UBASH3B: variants seen among roughly 807,000 people sequenced by gnomAD.
UBASH3B encodes ubiquitin associated and SH3 domain containing B.
UBASH3B carries 37 observed loss-of-function variants against 83.4 expected under a neutral mutation model. The observed-to-expected ratio is 0.44, with a 90% CI of 0.34 to 0.58. UBASH3B has a LOEUF of 0.58. Ranked by LOEUF, UBASH3B falls within the 20% of genes least tolerant of loss-of-function variation. UBASH3B has a pLI of 0.01. For synonymous variants in UBASH3B, 304 were observed against 318.3 expected, an observed-to-expected ratio of 0.96 and a Z score of 0.48; for missense variants, 657 against 827.2, an observed-to-expected ratio of 0.79 and a Z score of 2.52.
Position 122,808,134 on chromosome 11 carries a change from G to A in UBASH3B, c.1770G>A (p.Leu590=). 6.2e-7 allele frequency: 1 copy of A among 1,614,130 alleles called. No homozygotes were observed. Among genetic ancestry groups the A allele is most frequent in the Non-Finnish European group, 8.5e-7 (1 of 1,180,006 alleles). ...CGTGTACCTGCCAACTTCAGGGCCT[G>A]TCACCTCAGAACTCCAAGGACTTCG... ...LEACTCQLQG[L]SPQNSKDFVQ... Residue 590 remains leucine (L), a synonymous_variant, in exon 13 of 14, where the codon CTG becomes CTA. Transcript: ENST00000284273.
At chr11:122,776,162 A>C in intron 1 of UBASH3B, 57 bp from the exon 2 acceptor site, 37 of 1,477,414 alleles carry the variant, frequency 2.5e-5, no homozygotes, top group Non-Finnish European at 3.0e-5. Context: ...AGCTCTTGCC[A>C]CTGCAGGGAG....
intron 8 of UBASH3B, among the ~76,000 whole-genome samples, chr11:122,796,541 T>C (rs1206849255): frequency 6.6e-6 from 1 of 152,150 alleles, no homozygotes; most frequent in Non-Finnish European, 1.5e-5. Context: ...AGCAGAAACG[T>C]GCCCTGATCC....
intron 1 of UBASH3B, among the ~76,000 whole-genome samples, chr11:122,708,768 G>T (rs529101012): frequency 6.8e-4 from 103 of 152,162 alleles, no homozygotes; most frequent in Non-Finnish European, 1.1e-3. Context: ...CAGGAGCCAT[G>T]TAATATGGGG....
intron 1 of UBASH3B, among the ~76,000 whole-genome samples, chr11:122,768,504 G>A (rs200070282): frequency 0.054 from 7,281 of 134,970 alleles, 228 homozygotes; most frequent in Admixed American, 0.11. Context: ...GTGTGTGTGT[G>A]TGTGTATATA....
rs373747367 is a variant in UBASH3B, at chr11:122,784,659, A to G, written c.771+1437A>G. Among the ~76,000 whole-genome samples the G allele has an allele frequency of 2.4e-4, 36 of 152,348 alleles. No individual in the cohort carries two copies. The East Asian group carries it at 4.2e-3, about 18-fold the overall frequency. ...TAACATCTCTTTTAGACTTCTTTAA[A>G]AAACAAAACATGAAAAACAGTTAGA... On this transcript the variant is annotated intron_variant, in intron 5 of 13. Coordinates refer to ENST00000284273, the MANE Select transcript of UBASH3B (RefSeq NM_032873.5).
chr11:122,705,304 GGT>G (rs1232865038), intron 1 of UBASH3B, among the ~76,000 whole-genome samples: 3 of 152,050 alleles, frequency 2.0e-5, no homozygotes, highest in South Asian at 2.1e-4. Context: ...AAATTAGCCG[GGT>G]GTGGTGGCAT....
At chr11:122,746,902 G>T (rs775923242) in intron 1 of UBASH3B, among the ~76,000 whole-genome samples, 1 of 152,198 alleles carries the variant, frequency 6.6e-6, no homozygotes, top group Admixed American at 6.5e-5. Flanking sequence ...AAAGGATTTC[G>T]CTGAATGGTG....
chr11:122,800,896 C>T (rs188118994), intron 10 of UBASH3B, among the ~76,000 whole-genome samples: 468 of 152,190 alleles, frequency 3.1e-3, no homozygotes, highest in African/African-American at 0.011. Flanking sequence ...TGTGAGCTAC[C>T]GCACCCAGCC....
At position 122,808,153 on chromosome 11, in the gene UBASH3B, G is replaced by A. The variant is rs910520942; in HGVS notation, c.1789G>A (p.Asp597Asn). The change falls in exon 13 of 14, where the codon GAC becomes AAC. Residue 597 changes from aspartate to asparagine, a missense_variant. Physicochemically the swap from Asp to Asn is conservative, Grantham distance 23. Around this residue, in one of 3 missense-constraint regions of UBASH3B, gnomAD observed 573 missense variants for 739.0 expected, o/e 0.78. Coordinates refer to ENST00000284273, the MANE Select transcript of UBASH3B (RefSeq NM_032873.5). The part of the protein sequence containing the change: ...LQGLSPQNSK[D>N]FVQMVRKIPY... Reference sequence around the variant, plus strand: ...GGGCCTGTCACCTCAGAACTCCAAGGACTTCGTACAAATGGTCCGAAAGGT... The same window carrying A: ...GGGCCTGTCACCTCAGAACTCCAAGAACTTCGTACAAATGGTCCGAAAGGT... The A allele has an allele frequency of 6.2e-7, 1 of 1,614,124 alleles. No individual in the cohort carries two copies. Among genetic ancestry groups the A allele is most frequent in the Non-Finnish European group, 8.5e-7 (1 of 1,180,004 alleles).
At chr11:122,782,865 G>A (rs549182624) in intron 4 of UBASH3B, 188 bp from the exon 5 acceptor site, 8 of 664,496 alleles carry the variant, frequency 1.2e-5, no homozygotes, top group South Asian at 8.1e-5. Context: ...ACAGTGGCTT[G>A]ATTCGGAATC....
chr11:122,713,064 C>G (rs1257514847), intron 1 of UBASH3B, among the ~76,000 whole-genome samples: 6 of 151,694 alleles, frequency 4.0e-5, no homozygotes, highest in Non-Finnish European at 8.8e-5. Flanking sequence ...CCCGCCACCA[C>G]GCCCAGCTAA....
chr11:122,707,512 T>TTTC (rs1318524050), intron 1 of UBASH3B, among the ~76,000 whole-genome samples: 1 of 152,148 alleles, frequency 6.6e-6, no homozygotes, highest in Non-Finnish European at 1.5e-5. Context: ...TCTCACTAAG[T>TTTC]TGTGAGGTTT....
At chr11:122,700,158 G>A (rs976157730) in intron 1 of UBASH3B, among the ~76,000 whole-genome samples, 3 of 152,204 alleles carry the variant, frequency 2.0e-5, no homozygotes, top group African/African-American at 7.2e-5. Context: ...CCCGGGAGCA[G>A]CACCGCTGTT....
At chr11:122,720,944 G>A (rs1390279334) in intron 1 of UBASH3B, among the ~76,000 whole-genome samples, 1 of 151,936 alleles carries the variant, frequency 6.6e-6, no homozygotes, top group Non-Finnish European at 1.5e-5. Flanking sequence ...CATAGTAGAT[G>A]TTAAAAGAAT....
rs546594319 is a variant in UBASH3B at position 122,680,718 on chromosome 11, C to A, written c.161+24508C>A. On this transcript the variant is annotated intron_variant, in intron 1 of 13. Coordinates refer to ENST00000284273, the MANE Select transcript of UBASH3B (RefSeq NM_032873.5). ...CCTCAAGTGATCCACCCGCCTCAGC[C>A]TCCCAAAGTGCTGGGATTACAGGCG... Among the ~76,000 whole-genome samples, 168 of 152,356 alleles carry A rather than the reference C, an allele frequency of 1.1e-3. 1 individual carries two copies. The highest frequency in any genetic ancestry group is 3.7e-3 in the African/African-American group (152 of 41,586).
At chr11:122,695,264 C>T (rs906115396) in intron 1 of UBASH3B, among the ~76,000 whole-genome samples, 1 of 152,080 alleles carries the variant, frequency 6.6e-6, no homozygotes, top group Non-Finnish European at 1.5e-5. Context: ...GCGCCCGGCC[C>T]ACTGGTCTGC....
chr11:122,667,493 G>T (rs1863535318), intron 1 of UBASH3B, among the ~76,000 whole-genome samples: 1 of 152,298 alleles, frequency 6.6e-6, no homozygotes, highest in South Asian at 2.1e-4. Context: ...TGGCAATCTA[G>T]GGTGGAAGAT....
intron 1 of UBASH3B, 199 bp from the exon 2 acceptor site, chr11:122,776,020 G>A: frequency 2.0e-6 from 1 of 492,396 alleles, no homozygotes; most frequent in Admixed American, 4.2e-5. Flanking sequence ...CTAATCACAT[G>A]GAAATTAATT....
chr11:122,786,025 G>A (rs1822413103), intron 5 of UBASH3B, among the ~76,000 whole-genome samples: 1 of 152,058 alleles, frequency 6.6e-6, no homozygotes, highest in Non-Finnish European at 1.5e-5. Context: ...GGATTCAAGA[G>A]GTTTTTTGTT....
Sources: allele counts gnomAD v4.1 joint callset (sites outside exome capture counted in the v4.1 genomes callset), GRCh38; gene constraint gnomAD v4.1.1; regional missense constraint gnomAD v4.1.1; transcripts MANE v1.5; gene names NCBI Gene and HGNC (gene_info 2026-07-23, HGNC 2026-07-21).